The following SKIC2 variants were observed in gnomAD, a reference collection of about 807,000 sequenced individuals.
SKIC2 encodes superkiller complex protein 2.
the SKIC2 span, chr6:31,962,537 A>G: frequency 2.5e-6 from 4 of 1,614,058 alleles, no homozygotes; most frequent in East Asian, 2.2e-5. This position sits in a 1 kb window ranked among gnomAD's most constrained non-coding sequence, Gnocchi z 5.0. Context: ...GGGGATGTAC[A>G]GCTGCATCCG....
At chr6:31,962,804 G>T in the SKIC2 span, 1 of 1,603,074 alleles carries the variant, frequency 6.2e-7, no homozygotes, top group Non-Finnish European at 8.5e-7. This position sits in a 1 kb window ranked among gnomAD's most constrained non-coding sequence, Gnocchi z 5.0. Flanking sequence ...TCGAGGTAAG[G>T]GCCATGGGCT....
At chr6:31,968,361 T>C in the SKIC2 span, 8 of 1,613,012 alleles carry the variant, frequency 5.0e-6, no homozygotes, top group South Asian at 1.1e-5. This position sits in a 1 kb window ranked among gnomAD's most constrained non-coding sequence, Gnocchi z 6.1. Context: ...TGACCACTGC[T>C]GTCCAGGAAC....
At chr6:31,964,932 A>G in the SKIC2 span, among the ~76,000 whole-genome samples, 1 of 152,140 alleles carries the variant, frequency 6.6e-6, no homozygotes, top group Non-Finnish European at 1.5e-5. This position sits in a 1 kb window ranked among gnomAD's most constrained non-coding sequence, Gnocchi z 5.0. Flanking sequence ...ATCCTGGCCA[A>G]CATGGTGAAA....
At chr6:31,967,329 GGTT>G in the SKIC2 span, 1 of 1,613,038 alleles carries the variant, frequency 6.2e-7, no homozygotes, top group Non-Finnish European at 8.5e-7. The surrounding 1 kb of genome is among the most constrained non-coding windows in gnomAD (Gnocchi z 4.9). Flanking sequence ...GAAGGGTGGT[GGTT>G]GTGAAGAATC....
the SKIC2 span, chr6:31,963,508 A>G: frequency 1.2e-6 from 2 of 1,608,024 alleles, no homozygotes; most frequent in Non-Finnish European, 1.7e-6. The surrounding 1 kb of genome is among the most constrained non-coding windows in gnomAD (Gnocchi z 5.3). Context: ...TCCAAGACCC[A>G]GGGGGAGCTC....
the SKIC2 span, chr6:31,959,574 CAG>C: frequency 1.7e-6 from 1 of 598,006 alleles, no homozygotes; most frequent in African/African-American, 1.9e-5. Context: ...CATGTGAGGA[CAG>C]AGCAGAAAGG....
At chr6:31,962,795 C>T in the SKIC2 span, 16 of 1,609,080 alleles carry the variant, frequency 9.9e-6, no homozygotes, top group African/African-American at 5.3e-5. This position sits in a 1 kb window ranked among gnomAD's most constrained non-coding sequence, Gnocchi z 5.0. Context: ...TCAACGATGT[C>T]GAGGTAAGGG....
chr6:31,969,268 T>C, the SKIC2 span: 6 of 1,613,920 alleles, frequency 3.7e-6, no homozygotes, highest in East Asian at 2.2e-5. The surrounding 1 kb of genome is among the most constrained non-coding windows in gnomAD (Gnocchi z 6.1). Flanking sequence ...AACCTCTCCT[T>C]CTTTCCTGCA....
At chr6:31,960,625 C>A in the SKIC2 span, 6 of 1,582,224 alleles carry the variant, frequency 3.8e-6, no homozygotes, top group Non-Finnish European at 5.2e-6. Context: ...TCTCGTATTA[C>A]CCTCATCCCA....
At chr6:31,968,100 G>A in the SKIC2 span, 2 of 1,612,398 alleles carry the variant, frequency 1.2e-6, no homozygotes, top group Non-Finnish European at 1.7e-6. This position sits in a 1 kb window ranked among gnomAD's most constrained non-coding sequence, Gnocchi z 6.1. Flanking sequence ...ATGCTAGGGA[G>A]GCCCTTCTCC....
the SKIC2 span, chr6:31,968,454 T>C: frequency 2.0e-5 from 33 of 1,612,646 alleles, no homozygotes; most frequent in Admixed American, 2.0e-4. This position sits in a 1 kb window ranked among gnomAD's most constrained non-coding sequence, Gnocchi z 6.1. Flanking sequence ...ATATGTCAGT[T>C]GTAGAGGGTG....
the SKIC2 span, chr6:31,966,046 G>C: frequency 7.3e-7 from 1 of 1,370,838 alleles, no homozygotes. This position sits in a 1 kb window ranked among gnomAD's most constrained non-coding sequence, Gnocchi z 5.9. Context: ...CAGGGCCCCA[G>C]CTCCAGGACC....
the SKIC2 span, chr6:31,969,143 A>C: frequency 1.3e-6 from 2 of 1,569,070 alleles, no homozygotes; most frequent in Admixed American, 1.7e-5. The surrounding 1 kb of genome is among the most constrained non-coding windows in gnomAD (Gnocchi z 6.1). Context: ...CCTGACCTTC[A>C]CCTTCAGGTA....
chr6:31,963,743 G>C, the SKIC2 span: 68 of 1,543,508 alleles, frequency 4.4e-5, 3 homozygotes, highest in Middle Eastern at 5.2e-4. The surrounding 1 kb of genome is among the most constrained non-coding windows in gnomAD (Gnocchi z 5.3). Context: ...GGTGAGAACT[G>C]GGAGGGTTTT....
At chr6:31,967,875 C>CAGAT in the SKIC2 span, 1 of 1,612,928 alleles carries the variant, frequency 6.2e-7, no homozygotes, top group Non-Finnish European at 8.5e-7. This position sits in a 1 kb window ranked among gnomAD's most constrained non-coding sequence, Gnocchi z 4.9. Flanking sequence ...GAGAGTGTGG[C>CAGAT]AGATGTCTGT....
At chr6:31,967,615 T>C in the SKIC2 span, 29,629 of 1,367,788 alleles carry the variant, frequency 0.022, 394 homozygotes, top group Non-Finnish European at 0.026. The surrounding 1 kb of genome is among the most constrained non-coding windows in gnomAD (Gnocchi z 4.9). Flanking sequence ...GAGCTCTGCA[T>C]GGTTGCTTCC....
chr6:31,964,033 G>T, the SKIC2 span: 1 of 1,612,612 alleles, frequency 6.2e-7, no homozygotes, highest in Non-Finnish European at 8.5e-7. The surrounding 1 kb of genome is among the most constrained non-coding windows in gnomAD (Gnocchi z 5.0). Context: ...CACCTCCCTT[G>T]ACCTCACCAC....
At chr6:31,963,398 C>G in the SKIC2 span, 84 of 1,533,694 alleles carry the variant, frequency 5.5e-5, no homozygotes, top group Non-Finnish European at 6.9e-5. The surrounding 1 kb of genome is among the most constrained non-coding windows in gnomAD (Gnocchi z 5.3). Flanking sequence ...ACCTGCTTCC[C>G]TCTCCTTTCT....
chr6:31,961,426 C>T, the SKIC2 span: 1 of 1,526,116 alleles, frequency 6.6e-7, no homozygotes, highest in Non-Finnish European at 8.8e-7. Context: ...AAGAGCCTTG[C>T]CACCAGGATG....
Sources: gnomAD v4.1 joint callset for allele counts (sites outside exome capture counted in the v4.1 genomes callset) on GRCh38, gnomAD v4.1.1 for gene constraint, Gnocchi (gnomAD v3.1) non-coding constraint, MANE v1.5 for transcripts, NCBI Gene and HGNC (gene_info 2026-07-23, HGNC 2026-07-21) for gene names.